WWC2: variants seen among roughly 807,000 people sequenced by gnomAD.
WWC2 encodes WW and C2 domain containing 2.
A neutral mutation model predicts 138.5 loss-of-function variants in WWC2; 101 were observed. The ratio of observed to expected loss-of-function variants is 0.73; its 90% CI spans 0.62 to 0.86. The LOEUF is 0.86. WWC2 is among the 40% of genes least tolerant of loss of function. The pLI is 0.00. For missense variants in WWC2, 1,420 were observed against 1,419.4 expected, an observed-to-expected ratio of 1.00 and a Z score of -0.01; for synonymous variants, 558 against 538.4, an observed-to-expected ratio of 1.04 and a Z score of -0.50.
At chr4:183,196,254 G>A (rs1384661796) in intron 2 of WWC2, among the ~76,000 whole-genome samples, 1 of 152,042 alleles carries the variant, frequency 6.6e-6, no homozygotes, top group African/African-American at 2.4e-5. Flanking sequence ...TTATAACAAG[G>A]CAAGAAGGGT....
rs539908805 is a variant in WWC2 at position 183,287,316 on chromosome 4, T to G, written c.3141+1257T>G. Among the ~76,000 whole-genome samples, 11 of 152,362 alleles carry G rather than the reference T, an allele frequency of 7.2e-5. No homozygotes were observed. In the South Asian group the frequency reaches 2.1e-3, roughly 29 times the overall value. On this transcript the variant is annotated intron_variant, in intron 20 of 22. Transcript: ENST00000403733. ...ATTCTGAAATGTTGATTTTTCAGGTTACCAAACTTTATGCCTTAAAAGCAC... is the reference window on the plus strand; with the variant it reads ...ATTCTGAAATGTTGATTTTTCAGGTGACCAAACTTTATGCCTTAAAAGCAC...
At chr4:183,254,235 T>G (rs1159624151) in intron 9 of WWC2, among the ~76,000 whole-genome samples, 4 of 152,192 alleles carry the variant, frequency 2.6e-5, no homozygotes, top group African/African-American at 4.8e-5. Context: ...TAAGGAATGC[T>G]GACATAAAAC....
chr4:183,209,337 C>T (rs1384144444), intron 4 of WWC2, among the ~76,000 whole-genome samples: 1 of 152,188 alleles, frequency 6.6e-6, no homozygotes, highest in Admixed American at 6.5e-5. Flanking sequence ...AAGCAATTCT[C>T]CCGCCTCAGC....
At chr4:183,164,424 T>A (rs1265717861) in intron 1 of WWC2, among the ~76,000 whole-genome samples, 7 of 140,910 alleles carry the variant, frequency 5.0e-5, no homozygotes, top group Admixed American at 2.2e-4. Context: ...ATATATATTT[T>A]TATATATATT....
intron 4 of WWC2, among the ~76,000 whole-genome samples, chr4:183,220,777 T>G (rs1232346863): frequency 2.0e-5 from 3 of 149,280 alleles, no homozygotes; most frequent in African/African-American, 2.5e-5. Flanking sequence ...GAGCTTGCAG[T>G]GAGCCAACAT....
intron 1 of WWC2, among the ~76,000 whole-genome samples, chr4:183,177,653 A>T (rs897845070): frequency 1.3e-5 from 2 of 152,132 alleles, no homozygotes; most frequent in African/African-American, 4.8e-5. Flanking sequence ...GCCTTAGATG[A>T]TGTTAGAAAA....
At chr4:183,218,982 A>G (rs972360904) in intron 4 of WWC2, among the ~76,000 whole-genome samples, 1 of 152,260 alleles carries the variant, frequency 6.6e-6, no homozygotes, top group Non-Finnish European at 1.5e-5. Context: ...AATATGGCAT[A>G]TACATATAAT....
chr4:183,195,248 A>C (rs1010137474), intron 2 of WWC2, among the ~76,000 whole-genome samples: 1 of 152,208 alleles, frequency 6.6e-6, no homozygotes, highest in South Asian at 2.1e-4. Flanking sequence ...TCTCACTTTT[A>C]TGCTTATTTT....
At chr4:183,312,277 G>A in intron 21 of WWC2, 64 bp from the exon 22 acceptor site, 1 of 1,587,546 alleles carries the variant, frequency 6.3e-7, no homozygotes, top group Non-Finnish European at 8.6e-7. Context: ...AGCTTCATAG[G>A]ATGTCTCCAG....
chr4:183,297,839 A>G (rs955080891), intron 21 of WWC2, among the ~76,000 whole-genome samples: 6 of 152,276 alleles, frequency 3.9e-5, no homozygotes, highest in Admixed American at 2.6e-4. Context: ...CCCAAAGGCC[A>G]TGCTAACCAC....
At chr4:183,235,937 A>AT (rs1318339248) in intron 4 of WWC2, among the ~76,000 whole-genome samples, 2 of 152,192 alleles carry the variant, frequency 1.3e-5, no homozygotes, top group Non-Finnish European at 2.9e-5. Context: ...CTTCTATTTT[A>AT]TGTCAGTAAG....
chr4:183,202,217 T>C (rs1458435313), intron 2 of WWC2, among the ~76,000 whole-genome samples: 1 of 151,862 alleles, frequency 6.6e-6, no homozygotes, highest in Non-Finnish European at 1.5e-5. Flanking sequence ...GCAGGGGAAA[T>C]ATTGGTTTGG....
At chr4:183,102,862 C>A (rs1286923430) in intron 1 of WWC2, among the ~76,000 whole-genome samples, 1 of 148,940 alleles carries the variant, frequency 6.7e-6, no homozygotes, top group Non-Finnish European at 1.5e-5. Context: ...GCCAAATGGC[C>A]TGGTGCTTTT....
chr4:183,132,689 G>A (rs994855724), intron 1 of WWC2, among the ~76,000 whole-genome samples: 15 of 151,984 alleles, frequency 9.9e-5, no homozygotes, highest in Admixed American at 6.6e-5. Context: ...TCCTGACCTC[G>A]TGATCCGCCC....
At chr4:183,303,955 G>A (rs1379637686) in intron 21 of WWC2, among the ~76,000 whole-genome samples, 4 of 151,804 alleles carry the variant, frequency 2.6e-5, no homozygotes. Flanking sequence ...TCGCAGCCTA[G>A]AAATAATTTA....
chr4:183,126,285 G>T (rs1400266679), intron 1 of WWC2, among the ~76,000 whole-genome samples: 1 of 152,206 alleles, frequency 6.6e-6, no homozygotes, highest in South Asian at 2.1e-4. Flanking sequence ...GGTAATGTCA[G>T]TGTTTCTCTT....
intron 1 of WWC2, among the ~76,000 whole-genome samples, chr4:183,112,613 C>T (rs1027874973): frequency 4.6e-5 from 7 of 152,168 alleles, no homozygotes; most frequent in South Asian, 4.1e-4. Flanking sequence ...ACATACATTT[C>T]GGGGACACGG....
rs1419715849 is a variant in WWC2, at chr4:183,285,952, A to G, written c.3049-15A>G. ...TGATATGCAGTGATTTTTTTTTTAAATCTTTTGTTGCCAGTTAAATCGGAG... is the reference window on the plus strand; with the variant it reads ...TGATATGCAGTGATTTTTTTTTTAAGTCTTTTGTTGCCAGTTAAATCGGAG... On this transcript the variant is annotated splice_polypyrimidine_tract_variant and intron_variant, in intron 19 of 22. Coordinates refer to ENST00000403733, the MANE Select transcript of WWC2 (RefSeq NM_024949.6). The G allele has an allele frequency of 6.4e-7, 1 of 1,565,498 alleles. No homozygotes were observed. The highest frequency in any genetic ancestry group is 1.4e-5 in the African/African-American group (1 of 73,706).
chr4:183,213,451 T>G (rs975863949), intron 4 of WWC2, among the ~76,000 whole-genome samples: 2 of 152,264 alleles, frequency 1.3e-5, no homozygotes, highest in African/African-American at 4.8e-5. Context: ...TAACAATTTT[T>G]AAAGCAAAGC....
Sources: gnomAD v4.1 joint callset for allele counts (sites outside exome capture counted in the v4.1 genomes callset) on GRCh38, gnomAD v4.1.1 for gene constraint, MANE v1.5 for transcripts, NCBI Gene and HGNC (gene_info 2026-07-23, HGNC 2026-07-21) for gene names.